Variants in SMC5 observed in about 807,000 individuals in gnomAD.
SMC5 encodes structural maintenance of chromosomes protein 5.
Under a neutral mutation model 148.3 loss-of-function variants are expected in SMC5, and 88 were observed. The ratio of observed to expected loss-of-function variants is 0.59; its 90% CI spans 0.50 to 0.71. The LOEUF is 0.71. Ranked by LOEUF, SMC5 falls within the 30% of genes least tolerant of loss-of-function variation. The probability of loss-of-function intolerance (pLI) is 0.00; values close to 1 mark genes in which losing one functional copy is unlikely to be tolerated. For missense variants in SMC5, 1,142 were observed against 1,298.9 expected (o/e 0.88, Z 1.86); for synonymous variants, 421 against 432.8 (o/e 0.97, Z 0.34).
intron 8 of SMC5, among the ~76,000 whole-genome samples, chr9:70,292,935 T>A (rs1004276426): frequency 1.3e-5 from 2 of 152,186 alleles, no homozygotes; most frequent in Admixed American, 6.5e-5. Flanking sequence ...TCTGTATTCA[T>A]GAGTTATACT....
chr9:70,264,415 A>G lies in SMC5; in HGVS notation c.297A>G (p.Gly99=), dbSNP rs935958773. ...IVCAICLGLA[G]KPAFMGRADK... ...GTGCCATTTGCCTTGGTTTAGCTGG[A>G]AAACCTGCTTTCATGGGACGAGCAG... Residue 99 remains glycine (G), a synonymous_variant, in exon 2 of 25, where the codon GGA becomes GGG. Transcript: ENST00000361138. 6.8e-6 allele frequency: 11 copies of G among 1,614,074 alleles called. No homozygotes were observed. The highest frequency in any genetic ancestry group is 4.5e-5 in the East Asian group (2 of 44,862).
intron 2 of SMC5, 35 bp downstream of exon 2, chr9:70,264,480 A>T: frequency 6.2e-7 from 1 of 1,607,498 alleles, no homozygotes. Flanking sequence ...AGAAATTTCA[A>T]ACCTATTAAT....
chr9:70,264,686 CT>C (rs961791538), intron 2 of SMC5, among the ~76,000 whole-genome samples: 14 of 151,198 alleles, frequency 9.3e-5, no homozygotes, highest in East Asian at 1.9e-4. Flanking sequence ...TGTAATATGT[CT>C]TTTTTTTTAA....
At chr9:70,314,536 A>T (rs982370605) in intron 11 of SMC5, among the ~76,000 whole-genome samples, 1 of 151,764 alleles carries the variant, frequency 6.6e-6, no homozygotes, top group Admixed American at 6.6e-5. Flanking sequence ...TTTGGTATGT[A>T]TCTCTAAAAG....
intron 17 of SMC5, among the ~76,000 whole-genome samples, chr9:70,339,286 G>A (rs989713577): frequency 2.0e-5 from 3 of 152,160 alleles, no homozygotes; most frequent in East Asian, 1.9e-4. Context: ...AAAATTAGCC[G>A]GGTGTGGTGG....
chr9:70,296,628 C>A (rs2035209502), intron 8 of SMC5, among the ~76,000 whole-genome samples: 1 of 151,506 alleles, frequency 6.6e-6, no homozygotes, highest in Non-Finnish European at 1.5e-5. Context: ...TCTCTATTTT[C>A]AGTAATGAAT....
rs780323844 is a variant in SMC5, at chr9:70,323,509, G to T, written c.2177G>T (p.Cys726Phe). ...TTAAAGCTGATGGAACAGGATACTT[G>T]CAATCTTGAAGAGGAAGAGCGAAAA... ...GSLKLMEQDTCNLEEEERKAS... is the reference protein window; with the variant it reads ...GSLKLMEQDTFNLEEEERKAS... The change falls in exon 16 of 25, where the codon TGC becomes TTC. Residue 726 changes from cysteine to phenylalanine, a missense_variant. Cys to Phe is a radical substitution (Grantham distance 205). Transcript: ENST00000361138. 2 of 1,611,214 alleles carry T rather than the reference G, an allele frequency of 1.2e-6. No individual in the cohort carries two copies. The highest frequency in any genetic ancestry group is 1.7e-5 in the Admixed American group (1 of 59,866).
chr9:70,350,095 CT>C lies in SMC5; in HGVS notation c.2890-14del, dbSNP rs1489481267. On this transcript the variant is annotated intron_variant, in intron 22 of 24. Transcript: ENST00000361138. ...ACCAGAGGAAACTCATTTTTCATCA[CT>C]TTTTAAATGTTTTATAGGAAGATTA... is the stretch of plus-strand genomic sequence containing the variant. 15 of 1,546,136 alleles carry C rather than the reference CT, an allele frequency of 9.7e-6. No individual in the cohort carries two copies. The highest frequency in any genetic ancestry group is 1.3e-5 in the Non-Finnish European group (15 of 1,138,020).
At chr9:70,317,805 G>C (rs936525869) in intron 13 of SMC5, among the ~76,000 whole-genome samples, 2 of 152,148 alleles carry the variant, frequency 1.3e-5, no homozygotes, top group Admixed American at 1.3e-4. Flanking sequence ...ATAAGAAAAG[G>C]CTTTGAAATC....
chr9:70,296,056 A>G lies in SMC5; in HGVS notation c.1054-1910A>G, dbSNP rs981931396. On this transcript the variant is annotated intron_variant, in intron 8 of 24. Coordinates refer to ENST00000361138, the MANE Select transcript of SMC5 (RefSeq NM_015110.4). ...TGTATGTTTGGTTATAGGAGAGAGG[A>G]TTTGGGGATATGTGCATTTTGTTAC... Among the ~76,000 whole-genome samples, 3 of 152,018 alleles carry G rather than the reference A, an allele frequency of 2.0e-5. No individual in the cohort carries two copies. In the East Asian group the frequency reaches 5.8e-4, roughly 29 times the overall value.
At chr9:70,319,081 T>C in intron 15 of SMC5, 118 bp downstream of exon 15, 1 of 951,456 alleles carries the variant, frequency 1.1e-6, no homozygotes, top group Non-Finnish European at 1.5e-6. Flanking sequence ...TTCTCTTTAA[T>C]CTTTAATCTT....
rs887103343 is a variant in SMC5 at position 70,297,949 on chromosome 9, T to C, written c.1054-17T>C. 3 of 1,605,062 alleles carry C rather than the reference T, an allele frequency of 1.9e-6. No individual in the cohort carries two copies. The highest frequency in any genetic ancestry group is 1.7e-6 in the Non-Finnish European group (2 of 1,177,386). On this transcript the variant is annotated splice_polypyrimidine_tract_variant and intron_variant, in intron 8 of 24. Transcript: ENST00000361138. Reference sequence around the variant, plus strand: ...AGGAAAACAGTCTCAAGTACTAACCTACTTTTGTTTTATTAGATTGAGGAA... The same window carrying C: ...AGGAAAACAGTCTCAAGTACTAACCCACTTTTGTTTTATTAGATTGAGGAA...
rs371580841 is a variant in SMC5, at chr9:70,347,728, A to G, written c.2769+11A>G. 96 of 1,479,500 alleles carry G rather than the reference A, an allele frequency of 6.5e-5. No individual in the cohort carries two copies. Among genetic ancestry groups the G allele is most frequent in the Non-Finnish European group, 7.3e-5 (80 of 1,089,566 alleles). The allele number at this position is 1,479,500 out of a possible 1,614,324, so 91.6% of individuals were successfully genotyped here. On this transcript the variant is annotated intron_variant, in intron 21 of 24. Coordinates refer to ENST00000361138, the MANE Select transcript of SMC5 (RefSeq NM_015110.4). The stretch of plus-strand genomic sequence containing the variant: ...GAAAACATTTCACAGGTAATTTTTT[A>G]GTTTTTAATCTTTTTATCATGTGAT...
At chr9:70,350,339 A>T in intron 23 of SMC5, 37 bp from the exon 24 acceptor site, 1 of 1,610,078 alleles carries the variant, frequency 6.2e-7, no homozygotes, top group Non-Finnish European at 8.5e-7. Context: ...ATCCTGTAAC[A>T]GGAATAAATG....
chr9:70,352,214 T>G lies in SMC5; in HGVS notation c.3189T>G (p.Ser1063=). 6.2e-7 allele frequency: 1 copy of G among 1,611,326 alleles called. No individual in the cohort carries two copies. Among genetic ancestry groups the G allele is most frequent in the Non-Finnish European group, 8.5e-7 (1 of 1,179,234 alleles). The change falls in exon 25 of 25, where the codon TCT becomes TCG. Residue 1063 remains serine (S), a synonymous_variant. Coordinates refer to ENST00000361138, the MANE Select transcript of SMC5 (RefSeq NM_015110.4). ...TPKLLQNLPY[S]EKMTVLFVYN... is the part of the protein sequence containing the mutation. ...AGCTCCTGCAAAATCTTCCTTATTCTGAAAAGATGACAGTTTTGTTTGTCT... is the reference window on the plus strand; with the variant it reads ...AGCTCCTGCAAAATCTTCCTTATTCGGAAAAGATGACAGTTTTGTTTGTCT...
At chr9:70,328,913 A>G (rs2036153331) in intron 17 of SMC5, among the ~76,000 whole-genome samples, 1 of 152,172 alleles carries the variant, frequency 6.6e-6, no homozygotes, top group Non-Finnish European at 1.5e-5. Flanking sequence ...CCTTCTGCAC[A>G]CCCACAGGAC....
chr9:70,327,363 A>G (rs1196225850), intron 17 of SMC5, among the ~76,000 whole-genome samples: 1 of 152,258 alleles, frequency 6.6e-6, no homozygotes, highest in African/African-American at 2.4e-5. Flanking sequence ...AACTTATCAA[A>G]AATGTCTAAA....
At chr9:70,316,775 GTACTTT>G (rs1564055397) in intron 13 of SMC5, among the ~76,000 whole-genome samples, 1 of 152,060 alleles carries the variant, frequency 6.6e-6, no homozygotes, top group South Asian at 2.1e-4. Flanking sequence ...ACATGGTCAT[GTACTTT>G]TACTTTTAAC....
rs761109273 is a variant in SMC5, at chr9:70,280,846, C to T, written c.766C>T (p.Arg256Trp). The T allele has an allele frequency of 1.1e-5, 18 of 1,613,838 alleles. No homozygotes were observed. Among genetic ancestry groups the T allele is most frequent in the Non-Finnish European group, 1.2e-5 (14 of 1,179,936 alleles). Reference sequence around the variant, plus strand: ...ACAAGATGTGGAGAGGTTCTATGAACGGAAGCGACATTTAGATTTAATTGA... The same window carrying T: ...ACAAGATGTGGAGAGGTTCTATGAATGGAAGCGACATTTAGATTTAATTGA... ...YKQDVERFYE[R>W]KRHLDLIEML... Residue 256 changes from arginine to tryptophan, a missense_variant, in exon 6 of 25, where the codon CGG becomes TGG. This residue lies in a region of SMC5 where 9 missense variants were observed against 29.6 expected (regional missense o/e 0.30). Transcript: ENST00000361138.
Sources: allele counts gnomAD v4.1 joint callset (sites outside exome capture counted in the v4.1 genomes callset), GRCh38; gene constraint gnomAD v4.1.1; regional missense constraint gnomAD v4.1.1; transcripts MANE v1.5; gene names NCBI Gene and HGNC (gene_info 2026-07-23, HGNC 2026-07-21).